SLC24A4: variants seen among roughly 807,000 people sequenced by gnomAD.
SLC24A4 encodes the protein solute carrier family 24 member 4.
In SLC24A4, 53 loss-of-function variants were observed where a neutral mutation model predicts 79.0. That is an observed-to-expected ratio of 0.67 (90% CI 0.54 to 0.84). The LOEUF (loss-of-function observed/expected upper bound fraction) is 0.84. Among genes scored for constraint, SLC24A4 ranks in the 40% least tolerant of loss-of-function variants. The pLI, the probability that SLC24A4 is intolerant of heterozygous loss-of-function variation, is 0.00. For missense variants in SLC24A4, 731 were observed against 822.0 expected (o/e 0.89, Z 1.35); for synonymous variants, 323 against 323.8 (o/e 1.00, Z 0.03).
chr14:92,425,587 T>C (rs1393349195), intron 2 of SLC24A4, among the ~76,000 whole-genome samples: 1 of 152,230 alleles, frequency 6.6e-6, no homozygotes, highest in Admixed American at 6.5e-5. Context: ...CATTGTCTGT[T>C]CGTATTAATT....
intron 2 of SLC24A4, among the ~76,000 whole-genome samples, chr14:92,427,434 A>C (rs1470295281): frequency 6.6e-6 from 1 of 152,270 alleles, no homozygotes; most frequent in African/African-American, 2.4e-5. Context: ...TGAAGGCCAA[A>C]ATGCAGTCTT....
chr14:92,378,507 G>A (rs1888647286), intron 2 of SLC24A4, among the ~76,000 whole-genome samples: 2 of 152,182 alleles, frequency 1.3e-5, no homozygotes, highest in Non-Finnish European at 2.9e-5. Context: ...ATCTTTGTGT[G>A]TTTTGGGGCT....
chr14:92,355,236 G>A (rs952783492), intron 2 of SLC24A4, among the ~76,000 whole-genome samples: 24 of 152,308 alleles, frequency 1.6e-4, no homozygotes, highest in Middle Eastern at 3.4e-3. Flanking sequence ...AGATGTGAAG[G>A]AGGTGACAAG....
chr14:92,456,613 G>A lies in SLC24A4; in HGVS notation c.1255+5G>A. 1.2e-6 allele frequency: 2 copies of A among 1,612,676 alleles called. No individual in the cohort carries two copies. Among genetic ancestry groups the A allele is most frequent in the Non-Finnish European group, 1.7e-6 (2 of 1,179,638 alleles). On this transcript the variant is annotated splice_donor_5th_base_variant and intron_variant, in intron 12 of 16. Coordinates refer to ENST00000532405, the MANE Select transcript of SLC24A4 (RefSeq NM_153646.4). ...TGTCCCCCTTCTCCGTGCCGGGTGA[G>A]TTCTGGGGGTACTGGACTCTCGGGC...
chr14:92,403,256 C>G (rs554478038), intron 2 of SLC24A4, among the ~76,000 whole-genome samples: 1 of 152,170 alleles, frequency 6.6e-6, no homozygotes, highest in South Asian at 2.1e-4. Context: ...CCTTCTTGGC[C>G]ATGATACAGT....
intron 13 of SLC24A4, among the ~76,000 whole-genome samples, chr14:92,485,490 A>G (rs1339079623): frequency 6.6e-6 from 1 of 152,120 alleles, no homozygotes; most frequent in Non-Finnish European, 1.5e-5. Context: ...AAAGAAAAAA[A>G]AAAACTCCCT....
chr14:92,433,317 C>T (rs1891977780), intron 2 of SLC24A4, among the ~76,000 whole-genome samples: 1 of 152,206 alleles, frequency 6.6e-6, no homozygotes, highest in African/African-American at 2.4e-5. Context: ...CTCAGAGCTG[C>T]CTGGGGTTGC....
chr14:92,327,750 A>C (rs1205225464), intron 2 of SLC24A4, among the ~76,000 whole-genome samples: 1 of 152,190 alleles, frequency 6.6e-6, no homozygotes, highest in Admixed American at 6.5e-5. Context: ...GTCTGTCTTC[A>C]GCTGTCTGAT....
rs941646 is a variant in SLC24A4 at position 92,325,911 on chromosome 14, G to A, written c.174G>A (p.Thr58=). 0.99 allele frequency: 1,595,661 copies of A among 1,612,866 alleles called. 790,738 individuals are homozygous for A. The highest frequency in any genetic ancestry group is 1 in the East Asian group (44,888 of 44,888). ...CTAGCAAACGTGTCCTGCCAGACACGTGGAGAAATAGAAAGTTGATGGCCC... is the reference window on the plus strand; with the variant it reads ...CTAGCAAACGTGTCCTGCCAGACACATGGAGAAATAGAAAGTTGATGGCCC... ...ASASKRVLPD[T]WRNRKLMAPV... The change falls in exon 2 of 17, where the codon ACG becomes ACA. Residue 58 remains threonine, a synonymous_variant. Transcript: ENST00000532405.
At chr14:92,483,660 C>A in intron 13 of SLC24A4, 1 of 1,172,582 alleles carries the variant, frequency 8.5e-7, no homozygotes, top group Non-Finnish European at 1.1e-6. Flanking sequence ...TCAGGCCACA[C>A]AGGAGCCTCC....
In SLC24A4 at chr14:92,486,765, A is replaced by C. The variant is rs1246377944; in HGVS notation, c.1522A>C (p.Ile508Leu). ...TSVPDCMASL[I>L]VARQGLGDMA... Reference sequence around the variant, plus strand: ...TGTTCCAGACTGCATGGCCAGCCTAATTGTGGCGAGACAAGGTATGGATTA... The same window carrying C: ...TGTTCCAGACTGCATGGCCAGCCTACTTGTGGCGAGACAAGGTATGGATTA... The change falls in exon 14 of 17, where the codon ATT becomes CTT. Residue 508 changes from isoleucine (I) to leucine (L), a missense_variant. Transcript: ENST00000532405. 1 of 1,613,910 alleles carries C rather than the reference A, an allele frequency of 6.2e-7. No individual in the cohort carries two copies.
rs112120101 is a variant in SLC24A4, at chr14:92,351,236, G to GCGCGCACACACACACACACACACACA, written c.241+25259_241+25260insGCGCACACACACACACACACACACAC. Among the ~76,000 whole-genome samples, 964 of 147,022 alleles carry GCGCGCACACACACACACACACACACA rather than the reference G, an allele frequency of 6.6e-3. 5 individuals are homozygous for GCGCGCACACACACACACACACACACA. Among genetic ancestry groups the GCGCGCACACACACACACACACACACA allele is most frequent in the Admixed American group, 0.011 (161 of 14,652 alleles). On this transcript the variant is annotated intron_variant, in intron 2 of 16. Transcript: ENST00000532405. ...CTCTCTTTCACACACACACATACACGCACACACACACACACACACACAAAA... is the reference window on the plus strand; with the variant it reads ...CTCTCTTTCACACACACACATACACGCGCGCACACACACACACACACACACACACACACACACACACACACACAAAA...
chr14:92,397,158 C>T (rs1407378817), intron 2 of SLC24A4, among the ~76,000 whole-genome samples: 1 of 152,184 alleles, frequency 6.6e-6, no homozygotes, highest in Non-Finnish European at 1.5e-5. Context: ...AATTGGTTCT[C>T]AGTTGCTCTG....
At chr14:92,413,883 G>C (rs186200055) in intron 2 of SLC24A4, among the ~76,000 whole-genome samples, 2 of 152,330 alleles carry the variant, frequency 1.3e-5, no homozygotes, top group Admixed American at 1.3e-4. Flanking sequence ...TGGTGTATTT[G>C]AATCGACTGA....
At chr14:92,346,038 A>G (rs1205784270) in intron 2 of SLC24A4, among the ~76,000 whole-genome samples, 1 of 152,046 alleles carries the variant, frequency 6.6e-6, no homozygotes, top group African/African-American at 2.4e-5. Context: ...ACTCAGGGGA[A>G]AGGTAAGGGA....
At chr14:92,393,089 G>A (rs948789576) in intron 2 of SLC24A4, among the ~76,000 whole-genome samples, 1 of 152,270 alleles carries the variant, frequency 6.6e-6, no homozygotes, top group Admixed American at 6.5e-5. Context: ...CACTGTGTGA[G>A]ATCACATAGG....
At chr14:92,456,954 T>C (rs1893511346) in intron 12 of SLC24A4, among the ~76,000 whole-genome samples, 1 of 152,162 alleles carries the variant, frequency 6.6e-6, no homozygotes, top group Non-Finnish European at 1.5e-5. Flanking sequence ...ACAGTGTTAT[T>C]TTTAGGGACA....
At chr14:92,449,263 ACT>A in intron 10 of SLC24A4, 47 bp downstream of exon 10, 2 of 1,583,992 alleles carry the variant, frequency 1.3e-6, no homozygotes, top group South Asian at 2.3e-5. Flanking sequence ...CCTGGAAGCC[ACT>A]CTCTCCTCTT....
chr14:92,419,427 A>G (rs944261715), intron 2 of SLC24A4, among the ~76,000 whole-genome samples: 1 of 152,192 alleles, frequency 6.6e-6, no homozygotes, highest in African/African-American at 2.4e-5. Flanking sequence ...ATGTTCTCTC[A>G]TTGAACTTGA....
Sources: gnomAD v4.1 joint callset for allele counts (sites outside exome capture counted in the v4.1 genomes callset) on GRCh38, gnomAD v4.1.1 for gene constraint, MANE v1.5 for transcripts, NCBI Gene and HGNC (gene_info 2026-07-23, HGNC 2026-07-21) for gene names.